ANKRD26: variants seen among roughly 807,000 people sequenced by gnomAD.
ANKRD26 encodes ankyrin repeat domain 26.
ANKRD26 carries 141 observed loss-of-function variants against 208.7 expected under a neutral mutation model. The ratio of observed to expected loss-of-function variants is 0.68; its 90% CI spans 0.59 to 0.78. The LOEUF is 0.78. Ranked by LOEUF, ANKRD26 falls within the 30% of genes least tolerant of loss-of-function variation. The pLI is 0.00. For synonymous variants in ANKRD26, 636 were observed against 660.4 expected (o/e 0.96, Z 0.57); for missense variants, 1,889 against 1,938.7 (o/e 0.97, Z 0.48).
chr10:27,027,961 T>C (rs2053721418), intron 27 of ANKRD26, among the ~76,000 whole-genome samples: 1 of 152,210 alleles, frequency 6.6e-6, no homozygotes, highest in Admixed American at 6.5e-5. Flanking sequence ...TATCCAATAC[T>C]TATTATAAGA....
At chr10:26,955,498 T>C in the ANKRD26 span, among the ~76,000 whole-genome samples, 6 of 152,150 alleles carry the variant, frequency 3.9e-5, no homozygotes, top group African/African-American at 1.4e-4. Flanking sequence ...TGTGTGTATA[T>C]ATATATATGT....
chr10:27,050,798 G>A (rs932198259), intron 16 of ANKRD26, among the ~76,000 whole-genome samples: 4 of 152,060 alleles, frequency 2.6e-5, no homozygotes, highest in Admixed American at 6.5e-5. Context: ...AAGGTCACAC[G>A]GTATATGGCT....
At chr10:26,968,045 C>T in the ANKRD26 span, among the ~76,000 whole-genome samples, 10 of 152,266 alleles carry the variant, frequency 6.6e-5, no homozygotes, top group African/African-American at 9.6e-5. Context: ...CTCTGGGTCA[C>T]GCTTTTCTCC....
intron 1 of ANKRD26, among the ~76,000 whole-genome samples, chr10:27,099,159 T>A (rs543095788): frequency 6.6e-6 from 1 of 152,024 alleles, no homozygotes; most frequent in Non-Finnish European, 1.5e-5. Flanking sequence ...CCTAGCTAAT[T>A]TTTGTATTTT....
intron 1 of ANKRD26, among the ~76,000 whole-genome samples, chr10:27,098,824 C>T (rs1399656966): frequency 6.6e-6 from 1 of 152,240 alleles, no homozygotes; most frequent in Non-Finnish European, 1.5e-5. Flanking sequence ...GCTGGGATTA[C>T]AGGCGTGAGA....
At chr10:27,081,071 C>T in intron 6 of ANKRD26, 1 of 434,386 alleles carries the variant, frequency 2.3e-6, no homozygotes, top group Non-Finnish European at 3.0e-6. Context: ...TTCCTACTGG[C>T]TGTAGAGACT....
chr10:27,046,202 C>T, intron 18 of ANKRD26, 151 bp downstream of exon 18: 1 of 816,898 alleles, frequency 1.2e-6, no homozygotes, highest in Admixed American at 2.4e-5. Context: ...GAAATGGCTG[C>T]TTGTCAAAGT....
rs1404852050 is a variant in ANKRD26 at position 27,100,437 on chromosome 10, A to C, written c.-111T>G. 1.3e-6 allele frequency: 2 copies of C among 1,492,740 alleles called. No homozygotes were observed. Among genetic ancestry groups the C allele is most frequent in the Admixed American group, 4.5e-5 (2 of 44,708 alleles). 92.5% of individuals were successfully genotyped at this position (1,492,740 alleles called of 1,614,324 possible). A position where few individuals can be genotyped will look rare whatever the true frequency, so the allele number is the denominator to read the frequency against. On this transcript the variant is annotated 5_prime_UTR_variant, in exon 1 of 34. Coordinates refer to ENST00000376087, the MANE Select transcript of ANKRD26 (RefSeq NM_014915.3). ...GGCTGGCCGCAGCCTCCCAAAGGAA[A>C]CTCCGCGGTTTCCAATCTCTCCCTC...
the ANKRD26 span, among the ~76,000 whole-genome samples, chr10:26,965,132 T>C: frequency 6.6e-6 from 1 of 152,152 alleles, no homozygotes; most frequent in Non-Finnish European, 1.5e-5. Flanking sequence ...AAAAAACTAA[T>C]TTAAAGTTCA....
chr10:26,977,713 C>T (rs1015426879), intron 5 of ANKRD26, among the ~76,000 whole-genome samples: 6 of 152,158 alleles, frequency 3.9e-5, no homozygotes, highest in African/African-American at 1.2e-4. Flanking sequence ...TCATTAAGCA[C>T]CTGATTTAAT....
chr10:26,993,165 C>G (rs1409760648), intron 5 of ANKRD26, among the ~76,000 whole-genome samples: 1 of 152,196 alleles, frequency 6.6e-6, no homozygotes, highest in African/African-American at 2.4e-5. Flanking sequence ...AGTGAAAAAG[C>G]GTTGCTAGTT....
intron 15 of ANKRD26, 69 bp downstream of exon 15, chr10:27,060,276 A>G: frequency 7.6e-7 from 1 of 1,322,120 alleles, no homozygotes; most frequent in Non-Finnish European, 1.1e-6. Context: ...GAAAACTGTG[A>G]GCATTTCAAA....
At chr10:26,961,327 T>C in the ANKRD26 span, among the ~76,000 whole-genome samples, 1 of 151,862 alleles carries the variant, frequency 6.6e-6, no homozygotes, top group Non-Finnish European at 1.5e-5. Context: ...TGCATAAAAA[T>C]AAAAACTTAA....
At chr10:26,977,539 T>A (rs1356700522) in intron 5 of ANKRD26, among the ~76,000 whole-genome samples, 3 of 152,190 alleles carry the variant, frequency 2.0e-5, no homozygotes, top group Non-Finnish European at 4.4e-5. Flanking sequence ...CACAAAGGGA[T>A]AAAATACAGA....
chr10:26,989,684 C>T (rs1411811866), downstream of ANKRD26, among the ~76,000 whole-genome samples: 1 of 152,098 alleles, frequency 6.6e-6, no homozygotes, highest in East Asian at 1.9e-4. Context: ...CTTGCAGGGT[C>T]CCCCTTTTCC....
chr10:27,069,643 T>C (rs1053585063), intron 9 of ANKRD26, among the ~76,000 whole-genome samples: 1 of 152,070 alleles, frequency 6.6e-6, no homozygotes, highest in Non-Finnish European at 1.5e-5. Flanking sequence ...TTTGGATAAA[T>C]ACGTTTAGAG....
downstream of ANKRD26, among the ~76,000 whole-genome samples, chr10:26,989,539 T>A (rs1037350641): frequency 1.3e-5 from 2 of 152,180 alleles, no homozygotes; most frequent in Non-Finnish European, 2.9e-5. Context: ...ACCAAGTGGG[T>A]CACATTTAGA....
the ANKRD26 span, among the ~76,000 whole-genome samples, chr10:26,964,207 C>T: frequency 5.3e-5 from 8 of 151,984 alleles, no homozygotes; most frequent in African/African-American, 1.7e-4. Context: ...CCATGCCTGG[C>T]CTGTTGTATT....
Position 27,042,492 on chromosome 10 carries a change from G to A in ANKRD26, c.2161+934C>T, listed in dbSNP as rs574393834. 4.6e-5 allele frequency among the ~76,000 whole-genome samples: 7 copies of A among 152,222 alleles called. No individual in the cohort carries two copies. The South Asian group carries it at 1.2e-3, about 27-fold the overall frequency. ...AAGCTGGCAGGGCGTGGTGGCTCAC[G>A]CCTGTAATCCCAGCACTTTGGGAGG... On this transcript the variant is annotated intron_variant, in intron 20 of 33. Coordinates refer to ENST00000376087, the MANE Select transcript of ANKRD26 (RefSeq NM_014915.3).
Sources: allele counts gnomAD v4.1 joint callset (sites outside exome capture counted in the v4.1 genomes callset), GRCh38; gene constraint gnomAD v4.1.1; transcripts MANE v1.5; gene names NCBI Gene and HGNC (gene_info 2026-07-23, HGNC 2026-07-21).